PCDHA3: variants seen among roughly 807,000 people sequenced by gnomAD.
The protein encoded by PCDHA3 is protocadherin alpha-3.
PCDHA3 carries 41 observed loss-of-function variants against 62.2 expected under a neutral mutation model. The ratio of observed to expected loss-of-function variants is 0.66; its 90% CI spans 0.51 to 0.86. PCDHA3 has a LOEUF of 0.86. PCDHA3 is among the 40% of genes least tolerant of loss of function. PCDHA3 has a pLI of 0.00. For synonymous variants in PCDHA3, 640 were observed against 555.4 expected (o/e 1.15, Z -2.14); for missense variants, 1,304 against 1,241.2 (o/e 1.05, Z -0.76).
In PCDHA3 at chr5:140,802,530, G is replaced by T. The variant is rs1554122187; in HGVS notation, c.1333G>T (p.Val445Leu). Residue 445 changes from valine to leucine, a missense_variant, in exon 1 of 4, where the codon GTG (valine) becomes TTG (leucine). Transcript: ENST00000522353. ...LWATASVSVE[V>L]ADVNDNAPAF... ...GGCCACGGCCAGCGTGTCCGTGGAG[G>T]TGGCCGACGTGAACGACAATGCGCC... 3 of 1,614,208 alleles carry T rather than the reference G, an allele frequency of 1.9e-6. No homozygotes were observed. Among genetic ancestry groups the T allele is most frequent in the East Asian group, 2.2e-5 (1 of 44,880 alleles).
At chr5:140,866,708 C>G (rs781977454) in intron 1 of PCDHA3, 2 of 152,102 alleles carry the variant, frequency 1.3e-5, no homozygotes, top group African/African-American at 2.4e-5. Flanking sequence ...ATGACGTGCA[C>G]TAGTAAGACA....
intron 1 of PCDHA3, among the ~76,000 whole-genome samples, chr5:140,920,012 G>A (rs531392984): frequency 2.6e-5 from 4 of 152,314 alleles, no homozygotes; most frequent in East Asian, 1.9e-4. Context: ...AAGGCCATGC[G>A]AAGATGGAGA....
In PCDHA3 at chr5:140,802,466, G is replaced by T; in HGVS notation, c.1269G>T (p.Leu423=). The T allele has an allele frequency of 6.2e-7, 1 of 1,614,230 alleles. No homozygotes were observed. The highest frequency in any genetic ancestry group is 1.7e-5 in the Admixed American group (1 of 60,034). ...GCGAGAGCGTGTCGGCCTATGAGCT[G>T]GTGGTGACTGCTCGGGACGGGGGCT... is the stretch of plus-strand genomic sequence containing the variant. The part of the protein sequence containing the change: ...LDRESVSAYE[L]VVTARDGGSP... The change falls in exon 1 of 4, where the codon CTG becomes CTT. Residue 423 remains leucine, a synonymous_variant. Transcript: ENST00000522353.
intron 1 of PCDHA3, chr5:140,883,711 C>G: frequency 6.2e-7 from 1 of 1,613,576 alleles, no homozygotes; most frequent in Admixed American, 1.7e-5. Flanking sequence ...CTGCTCAGGA[C>G]GCGGACGCAC....
Position 140,927,865 on chromosome 5 carries a change from A to G in PCDHA3, c.2395-51084A>G, listed in dbSNP as rs576160357. 6.8e-6 allele frequency: 11 copies of G among 1,614,110 alleles called. No homozygotes were observed. In the Admixed American group the frequency reaches 1.3e-4, roughly 20 times the overall value. On this transcript the variant is annotated intron_variant, in intron 1 of 3. Transcript: ENST00000522353. Reference sequence around the variant, plus strand: ...TGTCTTTGGTTTAGCTAGCACCGCTAAACTGCTGGTGGAGGTGACTGACGT... The same window carrying G: ...TGTCTTTGGTTTAGCTAGCACCGCTGAACTGCTGGTGGAGGTGACTGACGT...
intron 1 of PCDHA3, chr5:140,836,577 T>G (rs1283554877): frequency 1.2e-6 from 2 of 1,613,536 alleles, no homozygotes; most frequent in Non-Finnish European, 1.7e-6. Flanking sequence ...TGAGGGCGCA[T>G]GTAGTTTGGT....
intron 1 of PCDHA3, among the ~76,000 whole-genome samples, chr5:140,909,316 G>C (rs2074435468): frequency 6.6e-6 from 1 of 152,198 alleles, no homozygotes; most frequent in Non-Finnish European, 1.5e-5. Flanking sequence ...AAAGGCATTT[G>C]CCAAATCAAT....
intron 1 of PCDHA3, chr5:140,852,609 A>G (rs1581283750): frequency 2.1e-6 from 2 of 936,558 alleles, no homozygotes; most frequent in East Asian, 1.1e-4. Context: ...TTTTCTTTCA[A>G]AACTTGAGTG....
At chr5:140,834,123 C>T in intron 1 of PCDHA3, 1 of 438,322 alleles carries the variant, frequency 2.3e-6, no homozygotes, top group Non-Finnish European at 4.0e-6. Flanking sequence ...TGAAATAAAA[C>T]TTTTCATCTG....
chr5:140,843,178 C>G, intron 1 of PCDHA3: 1 of 1,596,102 alleles, frequency 6.3e-7, no homozygotes, highest in Admixed American at 1.7e-5. Flanking sequence ...GCAGCCCTCG[C>G]ATCCCGTTCC....
intron 1 of PCDHA3, chr5:140,856,990 T>C: frequency 6.3e-7 from 1 of 1,595,350 alleles, no homozygotes; most frequent in Non-Finnish European, 8.6e-7. Flanking sequence ...ACAGTAACAC[T>C]TATGAAATTC....
At chr5:140,995,390 C>A (rs1198231096) in intron 3 of PCDHA3, among the ~76,000 whole-genome samples, 1 of 152,088 alleles carries the variant, frequency 6.6e-6, no homozygotes, top group Non-Finnish European at 1.5e-5. Flanking sequence ...CAGGATAAAG[C>A]GGGATGGCTC....
chr5:140,860,192 C>CATATATATATATATATATAT (rs143984774), intron 1 of PCDHA3: 1 of 146,816 alleles, frequency 6.8e-6, no homozygotes, highest in African/African-American at 2.5e-5. Context: ...GCTCTCCTTA[C>CATATATATATATATATATAT]ATATATATCT....
chr5:140,922,786 G>A (rs1397049612), intron 1 of PCDHA3, among the ~76,000 whole-genome samples: 2 of 152,198 alleles, frequency 1.3e-5, no homozygotes, highest in African/African-American at 4.8e-5. Context: ...AGAGAAAACT[G>A]TAGCTTTGGA....
intron 1 of PCDHA3, chr5:140,834,232 T>C: frequency 1.3e-6 from 1 of 753,154 alleles, no homozygotes; most frequent in African/African-American, 1.7e-5. Flanking sequence ...AAGGAAGTCA[T>C]TCCTTTTCGC....
chr5:140,869,180 T>C (rs782798909), intron 1 of PCDHA3: 1 of 1,613,322 alleles, frequency 6.2e-7, no homozygotes, highest in Admixed American at 1.7e-5. Flanking sequence ...TTCTGGGAGG[T>C]GGGGAGCGGC....
intron 1 of PCDHA3, among the ~76,000 whole-genome samples, chr5:140,950,286 C>G (rs2094469059): frequency 6.6e-6 from 1 of 151,924 alleles, no homozygotes; most frequent in Non-Finnish European, 1.5e-5. Flanking sequence ...TTGCTTCAAC[C>G]TGAAAAACTT....
At chr5:140,861,430 A>C in intron 1 of PCDHA3, 1 of 488,226 alleles carries the variant, frequency 2.0e-6, no homozygotes, top group Admixed American at 2.1e-5. Context: ...TTTCAGTTGG[A>C]TTCCAAAAGC....
chr5:140,856,112 G>A (rs782115498), intron 1 of PCDHA3: 1 of 1,598,078 alleles, frequency 6.3e-7, no homozygotes, highest in African/African-American at 1.3e-5. Flanking sequence ...TCTCCTCGCA[G>A]CCTGGGAGGT....
Sources: allele counts gnomAD v4.1 joint callset (sites outside exome capture counted in the v4.1 genomes callset), GRCh38; gene constraint gnomAD v4.1.1; transcripts MANE v1.5; gene names NCBI Gene and HGNC (gene_info 2026-07-23, HGNC 2026-07-21).